KIF13B: variants seen among roughly 807,000 people sequenced by gnomAD.
KIF13B encodes kinesin-like protein KIF13B.
Under a neutral mutation model 222.0 loss-of-function variants are expected in KIF13B, and 127 were observed. The ratio of observed to expected loss-of-function variants is 0.57; its 90% CI spans 0.50 to 0.66. The LOEUF is 0.66. Ranked by LOEUF, KIF13B falls within the 30% of genes least tolerant of loss-of-function variation. KIF13B has a pLI of 0.00. For synonymous variants in KIF13B, 976 were observed against 919.0 expected (o/e 1.06, Z -1.12); for missense variants, 2,173 against 2,379.0 (o/e 0.91, Z 1.80).
chr8:29,163,329 G>A (rs1350303814), intron 12 of KIF13B, among the ~76,000 whole-genome samples: 1 of 152,246 alleles, frequency 6.6e-6, no homozygotes, highest in African/African-American at 2.4e-5. Context: ...TGCAGAGGCT[G>A]CAGAGAATTC....
rs940704590 is a variant in KIF13B at position 29,069,907 on chromosome 8, G to C, written c.*597C>G. ...GGGCTCAGGCCCTCGGCCCCCGTCT[G>C]GGGCACCAGGACCATCTGCCAGAGC... On this transcript the variant is annotated 3_prime_UTR_variant, in exon 40 of 40. Transcript: ENST00000524189. 1 of 152,012 alleles carries C rather than the reference G, an allele frequency of 6.6e-6. No homozygotes were observed. The highest frequency in any genetic ancestry group is 6.6e-5 in the Admixed American group (1 of 15,262). The allele number at this position is 152,012 out of a possible 1,614,324, so 9.4% of individuals were successfully genotyped here. A position where few individuals can be genotyped will look rare whatever the true frequency, so the allele number is the denominator to read the frequency against.
At chr8:29,126,613 A>G (rs1810121526) in intron 25 of KIF13B, 102 bp from the exon 26 acceptor site, 6 of 750,996 alleles carry the variant, frequency 8.0e-6, no homozygotes, top group African/African-American at 5.2e-5. Flanking sequence ...ATATTTTCCA[A>G]TTGAATTAAT....
chr8:29,123,629 G>T, intron 27 of KIF13B, 137 bp from the exon 28 acceptor site: 1 of 1,138,336 alleles, frequency 8.8e-7, no homozygotes, highest in Non-Finnish European at 1.3e-6. Context: ...CTAACCCACA[G>T]CTAGAGAGGT....
intron 1 of KIF13B, among the ~76,000 whole-genome samples, chr8:29,259,912 G>T (rs1252409833): frequency 3.9e-5 from 6 of 152,180 alleles, no homozygotes; most frequent in African/African-American, 1.4e-4. Context: ...CAAAATAAAG[G>T]TTGTAATATT....
In KIF13B at chr8:29,116,906, C is replaced by T. The variant is rs370590840; in HGVS notation, c.3762G>A (p.Thr1254=). ...DERLFLIVRV[T]VQLSHPADMQ... is the part of the protein sequence containing the mutation. ...TGTCAGCAGGGTGGCTGAGCTGGAC[C>T]GTCACGCGCACGATCAGGAACAACC... The change falls in exon 31 of 40, where the codon ACG becomes ACA. Residue 1254 remains threonine, a synonymous_variant. Transcript: ENST00000524189. 4 of 1,613,714 alleles carry T rather than the reference C, an allele frequency of 2.5e-6. No individual in the cohort carries two copies. Among genetic ancestry groups the T allele is most frequent in the East Asian group, 2.2e-5 (1 of 44,880 alleles).
At chr8:29,260,816 C>A (rs1816653622) in intron 1 of KIF13B, among the ~76,000 whole-genome samples, 1 of 152,098 alleles carries the variant, frequency 6.6e-6, no homozygotes, top group South Asian at 2.1e-4. Flanking sequence ...CAGGGTTTTG[C>A]CATGTTAGGC....
chr8:29,262,950 C>A, intron 1 of KIF13B, 30 bp downstream of exon 1: 1 of 1,544,930 alleles, frequency 6.5e-7, no homozygotes, highest in Non-Finnish European at 8.7e-7. Flanking sequence ...CCGCCTCCGC[C>A]CCGGCGGCCC....
At chr8:29,230,196 A>G (rs1815223638) in intron 2 of KIF13B, among the ~76,000 whole-genome samples, 1 of 152,180 alleles carries the variant, frequency 6.6e-6, no homozygotes, top group African/African-American at 2.4e-5. Flanking sequence ...CCAGATTTAC[A>G]CAGCTGGTAA....
At chr8:29,121,053 T>G (rs1809835050) in intron 29 of KIF13B, among the ~76,000 whole-genome samples, 1 of 149,510 alleles carries the variant, frequency 6.7e-6, no homozygotes, top group African/African-American at 2.5e-5. Flanking sequence ...TAAATTTGTT[T>G]GAGTTCATTG....
At chr8:29,256,077 C>A (rs544659059) in intron 1 of KIF13B, among the ~76,000 whole-genome samples, 3 of 152,334 alleles carry the variant, frequency 2.0e-5, no homozygotes, top group East Asian at 3.9e-4. Flanking sequence ...GCACTTCAGA[C>A]ACCTAAAACT....
chr8:29,190,783 G>T, intron 4 of KIF13B: 1 of 570,944 alleles, frequency 1.8e-6, no homozygotes, highest in African/African-American at 1.9e-5. Context: ...TGAGTTAGAG[G>T]ACACCCAGCC....
At chr8:29,211,389 C>G (rs962082222) in intron 2 of KIF13B, among the ~76,000 whole-genome samples, 1 of 152,200 alleles carries the variant, frequency 6.6e-6, no homozygotes, top group Non-Finnish European at 1.5e-5. Context: ...GAGAGGAGAA[C>G]AAGGGAAGTG....
chr8:29,246,539 T>C (rs190654783), intron 1 of KIF13B, among the ~76,000 whole-genome samples: 62 of 152,220 alleles, frequency 4.1e-4, no homozygotes, highest in Non-Finnish European at 1.3e-4. Flanking sequence ...TATTCCCCAA[T>C]TGATCTACAA....
chr8:29,259,678 G>A (rs1028198653), intron 1 of KIF13B, among the ~76,000 whole-genome samples: 9 of 152,274 alleles, frequency 5.9e-5, no homozygotes, highest in African/African-American at 1.7e-4. Flanking sequence ...CACCAATTAC[G>A]GCTACAGAAC....
chr8:29,097,266 C>T (rs979620868), intron 36 of KIF13B, among the ~76,000 whole-genome samples: 2 of 109,610 alleles, frequency 1.8e-5, no homozygotes, highest in African/African-American at 5.7e-5. Flanking sequence ...GAAGATATAA[C>T]AATCTTAAAT....
At chr8:29,085,287 G>C (rs1807990830) in intron 37 of KIF13B, among the ~76,000 whole-genome samples, 1 of 152,120 alleles carries the variant, frequency 6.6e-6, no homozygotes, top group African/African-American at 2.4e-5. Flanking sequence ...ATGAGGGAGG[G>C]AACTGAACAT....
At chr8:29,262,789 G>A (rs1006113043) in intron 1 of KIF13B, among the ~76,000 whole-genome samples, 191 bp downstream of exon 1, 6 of 151,406 alleles carry the variant, frequency 4.0e-5, no homozygotes, top group Non-Finnish European at 5.9e-5. Context: ...CTGGCCAGGG[G>A]GGAAGGGAGG....
At chr8:29,255,017 A>C (rs578010412) in intron 1 of KIF13B, among the ~76,000 whole-genome samples, 3 of 152,358 alleles carry the variant, frequency 2.0e-5, no homozygotes, top group Non-Finnish European at 2.9e-5. Context: ...ACATTATACC[A>C]AGTGAAAGAA....
intron 2 of KIF13B, among the ~76,000 whole-genome samples, chr8:29,230,502 C>T (rs1815236945): frequency 6.6e-6 from 1 of 152,218 alleles, no homozygotes; most frequent in Non-Finnish European, 1.5e-5. Flanking sequence ...GCTCAACACA[C>T]AGCAAGAGAA....
Sources: gnomAD v4.1 joint callset for allele counts (sites outside exome capture counted in the v4.1 genomes callset) on GRCh38, gnomAD v4.1.1 for gene constraint, MANE v1.5 for transcripts, NCBI Gene and HGNC (gene_info 2026-07-23, HGNC 2026-07-21) for gene names.